FBXO4: variants seen among roughly 807,000 people sequenced by gnomAD.
The protein encoded by FBXO4 is F-box protein 4.
A neutral mutation model predicts 43.7 loss-of-function variants in FBXO4; 36 were observed. The observed-to-expected ratio is 0.82, with a 90% CI of 0.63 to 1.09. The LOEUF is 1.09. Among genes scored for constraint, FBXO4 ranks in the 50% least tolerant of loss-of-function variants. The pLI is 0.00. For synonymous variants in FBXO4, 180 were observed against 165.6 expected, an observed-to-expected ratio of 1.09 and a Z score of -0.67; for missense variants, 435 against 474.1, an observed-to-expected ratio of 0.92 and a Z score of 0.77.
At chr5:41,964,827 G>A in the FBXO4 span, among the ~76,000 whole-genome samples, 32 of 152,198 alleles carry the variant, frequency 2.1e-4, no homozygotes, top group East Asian at 6.2e-3. Flanking sequence ...CTCCCATTCT[G>A]TAGGTTGCCT....
chr5:41,968,708 G>T, the FBXO4 span, among the ~76,000 whole-genome samples: 1 of 151,520 alleles, frequency 6.6e-6, no homozygotes, highest in East Asian at 1.9e-4. Flanking sequence ...CTAAGTATTC[G>T]ATTTTTTTTT....
At chr5:41,996,453 A>G in the FBXO4 span, among the ~76,000 whole-genome samples, 3 of 152,128 alleles carry the variant, frequency 2.0e-5, no homozygotes, top group African/African-American at 7.2e-5. Context: ...TGATTCACCT[A>G]TGGGGTCCTG....
the FBXO4 span, among the ~76,000 whole-genome samples, chr5:42,014,140 C>T: frequency 1.3e-5 from 2 of 152,108 alleles, no homozygotes; most frequent in Admixed American, 1.3e-4. Flanking sequence ...GGAGTCTTCC[C>T]CATATCACTC....
chr5:41,994,595 A>AATACT, the FBXO4 span, among the ~76,000 whole-genome samples: 4 of 152,152 alleles, frequency 2.6e-5, no homozygotes, highest in African/African-American at 9.7e-5. Flanking sequence ...AGGGCATGGT[A>AATACT]ATACTAAGAG....
the FBXO4 span, among the ~76,000 whole-genome samples, chr5:42,026,779 G>T: frequency 6.6e-6 from 1 of 151,754 alleles, no homozygotes. Context: ...TGTATCAAAT[G>T]CTTTTTCACC....
chr5:41,989,224 T>C, the FBXO4 span, among the ~76,000 whole-genome samples: 1 of 152,168 alleles, frequency 6.6e-6, no homozygotes, highest in Non-Finnish European at 1.5e-5. Flanking sequence ...TTATCATTGA[T>C]ATACTTAATA....
chr5:41,950,777 A>G, the FBXO4 span, among the ~76,000 whole-genome samples: 1 of 152,212 alleles, frequency 6.6e-6, no homozygotes, highest in South Asian at 2.1e-4. Flanking sequence ...TGTTTATTGC[A>G]GCACTGTTCA....
At chr5:42,004,120 C>G in the FBXO4 span, among the ~76,000 whole-genome samples, 2 of 152,140 alleles carry the variant, frequency 1.3e-5, no homozygotes, top group African/African-American at 4.8e-5. Flanking sequence ...CAAACTATCA[C>G]AAGGTTTTCT....
chr5:41,935,350 G>T (rs1019030673), intron 5 of FBXO4, among the ~76,000 whole-genome samples: 1 of 152,182 alleles, frequency 6.6e-6, no homozygotes, highest in Non-Finnish European at 1.5e-5. Context: ...TGCCCTCCTT[G>T]GTGGTACAGG....
the FBXO4 span, among the ~76,000 whole-genome samples, chr5:42,019,917 G>A: frequency 1.2e-3 from 184 of 151,994 alleles, 4 homozygotes; most frequent in Non-Finnish European, 6.5e-4. Context: ...TTTGATTTAC[G>A]CAACTCTGTT....
chr5:41,964,711 C>T, the FBXO4 span, among the ~76,000 whole-genome samples: 6 of 151,624 alleles, frequency 4.0e-5, no homozygotes, highest in African/African-American at 1.2e-4. Flanking sequence ...ATATCCTTCG[C>T]CCACTTGTTG....
chr5:41,995,134 T>C, the FBXO4 span, among the ~76,000 whole-genome samples: 2 of 152,194 alleles, frequency 1.3e-5, no homozygotes, highest in South Asian at 4.1e-4. Context: ...GACCAGTGAA[T>C]TCCATGAGCA....
chr5:41,970,074 T>C, the FBXO4 span, among the ~76,000 whole-genome samples: 4 of 152,096 alleles, frequency 2.6e-5, no homozygotes, highest in Non-Finnish European at 5.9e-5. Flanking sequence ...TACTGTGAAT[T>C]AGTTCTGTTT....
chr5:41,925,429 G>C lies in FBXO4; in HGVS notation c.120G>C (p.Lys40Asn). The C allele has an allele frequency of 7.3e-7, 1 of 1,377,970 alleles. No individual in the cohort carries two copies. The highest frequency in any genetic ancestry group is 9.4e-7 in the Non-Finnish European group (1 of 1,059,460). The allele number at this position is 1,377,970 out of a possible 1,614,324, so 85.4% of individuals were successfully genotyped here. Residue 40 changes from lysine (K) to asparagine (N), a missense_variant, in exon 1 of 7, where the codon AAG (lysine) becomes AAC (asparagine). Coordinates refer to ENST00000281623, the MANE Select transcript of FBXO4 (RefSeq NM_012176.3). ...GWKTFWQSVS[K>N]ERVARTTSRE... is the part of the protein sequence containing the mutation. ...AGACCTTCTGGCAGTCAGTGAGCAA[G>C]GAGAGGGTGGCGCGTACGACCTCAC...
the FBXO4 span, among the ~76,000 whole-genome samples, chr5:41,974,868 C>T: frequency 2.6e-5 from 4 of 152,128 alleles, no homozygotes; most frequent in Admixed American, 6.5e-5. Flanking sequence ...AGTCATGTTA[C>T]GTAGGAAATA....
the FBXO4 span, among the ~76,000 whole-genome samples, chr5:42,010,122 T>C: frequency 6.6e-6 from 1 of 152,226 alleles, no homozygotes; most frequent in African/African-American, 2.4e-5. Flanking sequence ...AATAGAATCA[T>C]ACAGTATTTG....
the FBXO4 span, among the ~76,000 whole-genome samples, chr5:41,991,266 A>G: frequency 3.9e-5 from 6 of 152,206 alleles, no homozygotes; most frequent in Non-Finnish European, 8.8e-5. Context: ...TTTACTGTCC[A>G]CCAACTTTCT....
the FBXO4 span, among the ~76,000 whole-genome samples, chr5:42,029,479 A>G: frequency 2.0e-5 from 3 of 151,912 alleles, no homozygotes; most frequent in East Asian, 1.9e-4. Context: ...GGATGTTGCT[A>G]TCTTTCCCTA....
the FBXO4 span, chr5:41,967,797 G>A: frequency 1.6e-6 from 1 of 614,344 alleles, no homozygotes; most frequent in Non-Finnish European, 3.2e-6. Context: ...GAGGCAGGTG[G>A]AGAAGGAGGC....
Sources: allele counts gnomAD v4.1 joint callset (sites outside exome capture counted in the v4.1 genomes callset), GRCh38; gene constraint gnomAD v4.1.1; transcripts MANE v1.5; gene names NCBI Gene and HGNC (gene_info 2026-07-23, HGNC 2026-07-21).